Variants in PCLO observed in about 807,000 individuals in gnomAD.
The protein encoded by PCLO is protein piccolo.
In PCLO, 82 loss-of-function variants were observed where a neutral mutation model predicts 427.5. The observed-to-expected ratio is 0.19, with a 90% CI of 0.16 to 0.23. The LOEUF is 0.23. PCLO is among the 10% of genes least tolerant of loss of function. PCLO has a pLI of 1.00. For synonymous variants in PCLO, 2,357 were observed against 2,155.4 expected (o/e 1.09, Z -2.59); for missense variants, 6,239 against 6,115.9 (o/e 1.02, Z -0.67).
intron 7 of PCLO, among the ~76,000 whole-genome samples, chr7:82,910,945 T>C (rs552125877): frequency 6.6e-6 from 1 of 152,296 alleles, no homozygotes; most frequent in East Asian, 1.9e-4. Flanking sequence ...TTATTATAGA[T>C]TTCTCATGAA....
chr7:82,985,379 G>A (rs913151274), intron 3 of PCLO, among the ~76,000 whole-genome samples: 1 of 152,014 alleles, frequency 6.6e-6, no homozygotes, highest in Non-Finnish European at 1.5e-5. Flanking sequence ...TTGACCTGAG[G>A]CTGATTCAGG....
chr7:83,059,132 C>T (rs1179071509), intron 3 of PCLO, among the ~76,000 whole-genome samples: 1 of 149,992 alleles, frequency 6.7e-6, no homozygotes, highest in Non-Finnish European at 1.5e-5. Context: ...ATAGTATATA[C>T]TATATACTAT....
chr7:82,944,485 C>T (rs1304400856), intron 6 of PCLO, among the ~76,000 whole-genome samples: 2 of 151,846 alleles, frequency 1.3e-5, no homozygotes. Flanking sequence ...GATATAGTAT[C>T]TTAGATGATG....
intron 3 of PCLO, among the ~76,000 whole-genome samples, chr7:83,082,033 T>G (rs1160278707): frequency 6.6e-6 from 1 of 151,466 alleles, no homozygotes; most frequent in African/African-American, 2.4e-5. Context: ...ACCAAAGATA[T>G]TAGATGAAAT....
At chr7:83,149,970 C>T (rs558577415) in intron 2 of PCLO, among the ~76,000 whole-genome samples, 14 of 152,062 alleles carry the variant, frequency 9.2e-5, no homozygotes, top group South Asian at 8.3e-4. Context: ...TGCCAAAAGA[C>T]TTATATATGT....
intron 3 of PCLO, among the ~76,000 whole-genome samples, chr7:82,978,969 T>C (rs1363159777): frequency 2.0e-5 from 3 of 151,758 alleles, no homozygotes; most frequent in Non-Finnish European, 4.4e-5. Context: ...ATGAAAACAA[T>C]GTATAATTCA....
chr7:82,843,665 A>AT (rs71522631), intron 13 of PCLO, among the ~76,000 whole-genome samples: 48,483 of 135,744 alleles, frequency 0.36, 10,294 homozygotes, highest in East Asian at 0.68. Flanking sequence ...CAACGTATTC[A>AT]TTTTTTTTTT....
rs1032081312 is a variant in PCLO at position 82,915,409 on chromosome 7, T to G, written c.12577A>C (p.Lys4193Gln). ...GACATTTTAGGGTCAATTAGTGATTTCTTATGCTTTGACTGCTTTTGATAA... is the reference window on the plus strand; with the variant it reads ...GACATTTTAGGGTCAATTAGTGATTGCTTATGCTTTGACTGCTTTTGATAA... The part of the protein sequence containing the change: ...ILYQKQSKHK[K>Q]SLIDPKMSKF... Residue 4193 changes from lysine (K) to glutamine (Q), a missense_variant, in exon 7 of 25, where the codon AAA (lysine) becomes CAA (glutamine). Transcript: ENST00000333891. 6.2e-7 allele frequency: 1 copy of G among 1,613,518 alleles called. No homozygotes were observed. Among genetic ancestry groups the G allele is most frequent in the Non-Finnish European group, 8.5e-7 (1 of 1,179,740 alleles).
intron 16 of PCLO, among the ~76,000 whole-genome samples, chr7:82,828,182 A>ATT (rs5885314): frequency 1.8e-3 from 275 of 151,164 alleles, no homozygotes; most frequent in African/African-American, 6.1e-3. Flanking sequence ...TGCCCTTATG[A>ATT]TTTTTTTTTA....
chr7:82,896,704 GCTC>G (rs199647477), intron 9 of PCLO, among the ~76,000 whole-genome samples: 124,476 of 151,014 alleles, frequency 0.82, 51,420 homozygotes, highest in East Asian at 0.92. Context: ...TATCCACATA[GCTC>G]TACTACTGCC....
intron 3 of PCLO, among the ~76,000 whole-genome samples, chr7:83,093,277 T>C (rs1028943870): frequency 2.0e-4 from 30 of 151,466 alleles, no homozygotes; most frequent in Non-Finnish European, 2.5e-4. Flanking sequence ...TCATTTTAAA[T>C]ACCATTTATC....
intron 3 of PCLO, among the ~76,000 whole-genome samples, chr7:83,129,839 A>G (rs577149055): frequency 1.2e-4 from 18 of 152,336 alleles, no homozygotes; most frequent in Non-Finnish European, 2.2e-4. Context: ...TTAACTACGT[A>G]AAAATGCATA....
chr7:82,818,982 AC>A (rs1791734369), intron 20 of PCLO, among the ~76,000 whole-genome samples: 1 of 152,202 alleles, frequency 6.6e-6, no homozygotes. Flanking sequence ...GTGAACAGGA[AC>A]TTGCAGGTTC....
intron 3 of PCLO, among the ~76,000 whole-genome samples, chr7:83,123,609 G>C (rs913782595): frequency 6.6e-6 from 1 of 152,090 alleles, no homozygotes; most frequent in African/African-American, 2.4e-5. Context: ...GGCAACAAAA[G>C]CAAAAGTTGA....
At chr7:82,765,133 A>G (rs1351206669) in intron 22 of PCLO, among the ~76,000 whole-genome samples, 2 of 151,910 alleles carry the variant, frequency 1.3e-5, no homozygotes, top group South Asian at 2.1e-4. Flanking sequence ...GGAAAAATAT[A>G]TGAAAAAATA....
At chr7:82,814,985 T>A (rs1791647613) in intron 20 of PCLO, among the ~76,000 whole-genome samples, 1 of 151,992 alleles carries the variant, frequency 6.6e-6, no homozygotes. Context: ...TCAAGATCAT[T>A]TTATCATGCT....
intron 3 of PCLO, among the ~76,000 whole-genome samples, chr7:83,046,604 A>G (rs1390318924): frequency 3.9e-5 from 6 of 151,978 alleles, no homozygotes. Context: ...TTGTTTTTCA[A>G]ATTTGTATTA....
intron 3 of PCLO, among the ~76,000 whole-genome samples, chr7:82,981,039 T>C (rs1796136162): frequency 6.6e-6 from 1 of 152,132 alleles, no homozygotes; most frequent in Non-Finnish European, 1.5e-5. Context: ...TAAAGACCTA[T>C]GTAATAAAAC....
intron 3 of PCLO, among the ~76,000 whole-genome samples, chr7:82,992,207 T>C (rs559655963): frequency 3.0e-4 from 45 of 152,162 alleles, no homozygotes; most frequent in African/African-American, 1.1e-3. Flanking sequence ...CTATGTGTCC[T>C]AGTATCTCTG....
Sources: allele counts gnomAD v4.1 joint callset (sites outside exome capture counted in the v4.1 genomes callset), GRCh38; gene constraint gnomAD v4.1.1; transcripts MANE v1.5; gene names NCBI Gene and HGNC (gene_info 2026-07-23, HGNC 2026-07-21).